ZNF462: variants seen among roughly 807,000 people sequenced by gnomAD.
The protein encoded by ZNF462 is zinc finger PBX1-interacting protein.
ZNF462 carries 10 observed loss-of-function variants against 201.9 expected under a neutral mutation model. The observed-to-expected ratio is 0.05, with a 90% CI of 0.03 to 0.08. The LOEUF (loss-of-function observed/expected upper bound fraction) is 0.08. Ranked by LOEUF, ZNF462 falls within the 10% of genes least tolerant of loss-of-function variation. ZNF462 has a pLI of 1.00. For synonymous variants in ZNF462, 1,227 were observed against 1,193.3 expected (o/e 1.03, Z -0.58); for missense variants, 2,523 against 3,168.3 (o/e 0.80, Z 4.89).
intron 1 of ZNF462, 88 bp downstream of exon 1, chr9:106,863,443 A>G: frequency 2.8e-6 from 1 of 352,494 alleles, no homozygotes; most frequent in Non-Finnish European, 5.1e-6. Context: ...AAACGCGCTC[A>G]TTCATTCGGC....
chr9:106,953,162 C>T (rs576157652), intron 7 of ZNF462, among the ~76,000 whole-genome samples: 2 of 152,340 alleles, frequency 1.3e-5, no homozygotes, highest in East Asian at 3.9e-4. Flanking sequence ...TCTCACCACT[C>T]ACTCTTTGCT....
rs1830338883 is a variant in ZNF462 at position 106,929,480 on chromosome 9, T to C, written c.5568T>C (p.Phe1856=). The C allele has an allele frequency of 1.2e-6, 2 of 1,614,030 alleles. No individual in the cohort carries two copies. Among genetic ancestry groups the C allele is most frequent in the African/African-American group, 2.7e-5 (2 of 74,920 alleles). ...FRCIKCFKLS[F]STAELLCMHY... ...GCATCAAATGCTTCAAGCTGTCCTTTAGCACTGCAGAGCTGCTGTGCATGC... is the reference window on the plus strand; with the variant it reads ...GCATCAAATGCTTCAAGCTGTCCTTCAGCACTGCAGAGCTGCTGTGCATGC... The change falls in exon 3 of 13, where the codon TTT becomes TTC. Residue 1856 remains phenylalanine, a synonymous_variant. Coordinates refer to ENST00000277225, the MANE Select transcript of ZNF462 (RefSeq NM_021224.6). The surrounding 1 kb of genome is among the most constrained non-coding windows in gnomAD (Gnocchi z 8.7).
At chr9:106,994,405 T>C (rs1040694894) in intron 10 of ZNF462, among the ~76,000 whole-genome samples, 2 of 152,068 alleles carry the variant, frequency 1.3e-5, no homozygotes, top group Non-Finnish European at 2.9e-5. Flanking sequence ...GAAAAGGAAA[T>C]GAGAAATAAA....
chr9:106,867,162 C>T (rs1406204072), intron 1 of ZNF462, among the ~76,000 whole-genome samples: 1 of 152,184 alleles, frequency 6.6e-6, no homozygotes, highest in Non-Finnish European at 1.5e-5. Context: ...TGATGCCCTT[C>T]ACCAGCATGG....
intron 10 of ZNF462, among the ~76,000 whole-genome samples, chr9:106,996,381 G>T (rs1303719320): frequency 6.6e-6 from 1 of 152,160 alleles, no homozygotes; most frequent in African/African-American, 2.4e-5. Flanking sequence ...GATCCTTGAG[G>T]AATCACCACA....
At chr9:106,945,867 C>T (rs1466760916) in intron 7 of ZNF462, among the ~76,000 whole-genome samples, 1 of 152,228 alleles carries the variant, frequency 6.6e-6, no homozygotes, top group Admixed American at 6.5e-5. Flanking sequence ...TGTTAAGACT[C>T]TGCCTCAGTG....
rs1829935233 is a variant in ZNF462 at position 106,920,214 on chromosome 9, A to G, written c.-30-3140A>G. ...TGCTGCAAAAACATATGAATGGGTCATCGTCATGTCCAGTGTGTTTTTGTC... is the reference window on the plus strand; with the variant it reads ...TGCTGCAAAAACATATGAATGGGTCGTCGTCATGTCCAGTGTGTTTTTGTC... On this transcript the variant is annotated intron_variant, in intron 1 of 12. Coordinates refer to ENST00000277225, the MANE Select transcript of ZNF462 (RefSeq NM_021224.6). This position sits in a 1 kb window ranked among gnomAD's most constrained non-coding sequence, Gnocchi z 4.3. Among the ~76,000 whole-genome samples the G allele has an allele frequency of 6.6e-6, 1 of 151,522 alleles. No individual in the cohort carries two copies. The highest frequency in any genetic ancestry group is 6.6e-5 in the Admixed American group (1 of 15,210).
At chr9:106,887,061 A>G (rs565775874) in intron 1 of ZNF462, among the ~76,000 whole-genome samples, 129 of 152,356 alleles carry the variant, frequency 8.5e-4, no homozygotes, top group African/African-American at 3.0e-3. Context: ...AAATGTTTTC[A>G]AACAAAAAAG....
chr9:106,944,429 T>TA (rs978655672), intron 7 of ZNF462, among the ~76,000 whole-genome samples: 106 of 152,254 alleles, frequency 7.0e-4, no homozygotes, highest in African/African-American at 2.5e-3. Flanking sequence ...CTTTTTCCTT[T>TA]AAAAAAATTT....
chr9:106,921,066 G>A (rs1456586313), intron 1 of ZNF462, among the ~76,000 whole-genome samples: 1 of 152,130 alleles, frequency 6.6e-6, no homozygotes, highest in Non-Finnish European at 1.5e-5. Flanking sequence ...CAGACTGGCT[G>A]GTGATTAACA....
Position 106,981,834 on chromosome 9 carries a change from G to A in ZNF462, c.6833-2352G>A, listed in dbSNP as rs565590438. ...CTGAATGACTATCTTTGAGGCGTGT[G>A]GGACATCATTATATGAAAAATGATA... On this transcript the variant is annotated intron_variant, in intron 9 of 12. Transcript: ENST00000277225. This position sits in a 1 kb window ranked among gnomAD's most constrained non-coding sequence, Gnocchi z 4.0. Among the ~76,000 whole-genome samples, 28 of 152,280 alleles carry A rather than the reference G, an allele frequency of 1.8e-4. No individual in the cohort carries two copies. Among genetic ancestry groups the A allele is most frequent in the African/African-American group, 6.7e-4 (28 of 41,558 alleles).
At chr9:106,867,018 CAT>C (rs1167595156) in intron 1 of ZNF462, among the ~76,000 whole-genome samples, 1 of 152,136 alleles carries the variant, frequency 6.6e-6, no homozygotes, top group Non-Finnish European at 1.5e-5. Flanking sequence ...TGACTCTCCA[CAT>C]TTTTTACTTT....
intron 6 of ZNF462, among the ~76,000 whole-genome samples, chr9:106,937,087 T>G (rs908888591): frequency 6.6e-6 from 1 of 151,950 alleles, no homozygotes; most frequent in African/African-American, 2.4e-5. Flanking sequence ...TCTAGATAGA[T>G]TATTTTATTT....
chr9:106,991,500 A>G (rs548796463), intron 10 of ZNF462, among the ~76,000 whole-genome samples: 8 of 152,068 alleles, frequency 5.3e-5, no homozygotes, highest in African/African-American at 1.7e-4. Context: ...ATCTCTATCA[A>G]AATCCCAGTA....
rs759868030 is a variant in ZNF462, at chr9:106,924,770, T to C, written c.858T>C (p.Pro286=). Residue 286 remains proline (P), a synonymous_variant, in exon 3 of 13, where the codon CCT becomes CCC. Transcript: ENST00000277225. The surrounding 1 kb of genome is among the most constrained non-coding windows in gnomAD (Gnocchi z 6.2). ...AGCAACAAGAAGGAACTAATCTACC[T>C]GATGTGCCGAACAAGAGTGCCCCCA... ...LRQQQEGTNL[P]DVPNKSAPSP... is the part of the protein sequence containing the mutation. 9 of 1,614,162 alleles carry C rather than the reference T, an allele frequency of 5.6e-6. No homozygotes were observed. Among genetic ancestry groups the C allele is most frequent in the Non-Finnish European group, 7.6e-6 (9 of 1,180,036 alleles).
chr9:106,914,262 C>T (rs1427011884), intron 1 of ZNF462, among the ~76,000 whole-genome samples: 3 of 138,516 alleles, frequency 2.2e-5, no homozygotes, highest in Non-Finnish European at 5.0e-5. Context: ...ATGCAGAGAA[C>T]GAAAATACCT....
At chr9:106,936,431 C>T (rs1478518088) in intron 6 of ZNF462, among the ~76,000 whole-genome samples, 1 of 152,176 alleles carries the variant, frequency 6.6e-6, no homozygotes, top group African/African-American at 2.4e-5. Context: ...TCGCCAGCTC[C>T]TCATGCTCTG....
intron 1 of ZNF462, among the ~76,000 whole-genome samples, chr9:106,912,878 A>G (rs970338167): frequency 1.3e-5 from 2 of 152,156 alleles, no homozygotes; most frequent in African/African-American, 2.4e-5. Context: ...TTCTGTTTCT[A>G]CCTGATTTTG....
intron 6 of ZNF462, among the ~76,000 whole-genome samples, chr9:106,936,199 G>A (rs1212638729): frequency 1.3e-5 from 2 of 152,198 alleles, no homozygotes; most frequent in East Asian, 1.9e-4. Context: ...AATACAGTCA[G>A]TCATCTATAA....
Sources: gnomAD v4.1 joint callset for allele counts (sites outside exome capture counted in the v4.1 genomes callset) on GRCh38, gnomAD v4.1.1 for gene constraint, Gnocchi (gnomAD v3.1) non-coding constraint, MANE v1.5 for transcripts, NCBI Gene and HGNC (gene_info 2026-07-23, HGNC 2026-07-21) for gene names.